The following TAF4B variants were observed in gnomAD, a reference collection of about 807,000 sequenced individuals.
TAF4B encodes TATA-box binding protein associated factor 4b, also known as transcription initiation factor TFIID subunit 4B.
TAF4B carries 38 observed loss-of-function variants against 86.4 expected under a neutral mutation model. That is an observed-to-expected ratio of 0.44 (90% CI 0.34 to 0.58). TAF4B has a LOEUF of 0.58. TAF4B is among the 20% of genes least tolerant of loss of function. TAF4B has a pLI of 0.02. For synonymous variants in TAF4B, 388 were observed against 391.2 expected, an observed-to-expected ratio of 0.99 and a Z score of 0.10; for missense variants, 988 against 1,027.6, an observed-to-expected ratio of 0.96 and a Z score of 0.53.
chr18:26,328,574 C>A (rs1360018767), intron 12 of TAF4B, among the ~76,000 whole-genome samples: 1 of 152,094 alleles, frequency 6.6e-6, no homozygotes, highest in Non-Finnish European at 1.5e-5. Context: ...TCCCAGATCC[C>A]CCCAATTTTA....
intron 7 of TAF4B, among the ~76,000 whole-genome samples, chr18:26,289,262 A>G (rs1020242972): frequency 3.3e-5 from 5 of 152,240 alleles, no homozygotes; most frequent in African/African-American, 1.2e-4. Context: ...GAGGAGGAAA[A>G]CACTCAAGTT....
At chr18:26,282,424 A>T (rs756077239) in intron 6 of TAF4B, among the ~76,000 whole-genome samples, 16 of 152,244 alleles carry the variant, frequency 1.1e-4, no homozygotes, top group Non-Finnish European at 1.5e-4. Flanking sequence ...AATGCATATA[A>T]AACTTTATGG....
intron 1 of TAF4B, among the ~76,000 whole-genome samples, chr18:26,256,946 G>T (rs2056094253): frequency 6.6e-6 from 1 of 151,610 alleles, no homozygotes; most frequent in African/African-American, 2.4e-5. Context: ...CGAAAACCGT[G>T]ATTACTTTTG....
At chr18:26,359,879 G>A (rs1328837080) in intron 14 of TAF4B, among the ~76,000 whole-genome samples, 1 of 122,680 alleles carries the variant, frequency 8.2e-6, no homozygotes, top group Non-Finnish European at 1.8e-5. Context: ...ACCATGCCTG[G>A]CTAATTTTTT....
chr18:26,326,844 G>A (rs146797624), intron 11 of TAF4B, among the ~76,000 whole-genome samples, 171 bp from the exon 12 acceptor site: 3 of 152,224 alleles, frequency 2.0e-5, no homozygotes, highest in African/African-American at 7.2e-5. Context: ...CTTTTCTGGT[G>A]GAGTGGATGT....
At chr18:26,229,494 CTTT>C (rs34261854) in intron 1 of TAF4B, among the ~76,000 whole-genome samples, 7 of 129,360 alleles carry the variant, frequency 5.4e-5, no homozygotes, top group South Asian at 2.4e-4. Context: ...TTCTTTCTTT[CTTT>C]TTTTTTTTTT....
intron 1 of TAF4B, among the ~76,000 whole-genome samples, 185 bp from the exon 2 acceptor site, chr18:26,264,985 T>A (rs2056218261): frequency 1.3e-5 from 2 of 152,248 alleles, no homozygotes; most frequent in Admixed American, 6.5e-5. Context: ...TCATAGATTT[T>A]AAATTTTTAA....
chr18:26,263,780 C>A (rs2056202014), intron 1 of TAF4B, among the ~76,000 whole-genome samples: 1 of 151,396 alleles, frequency 6.6e-6, no homozygotes, highest in Admixed American at 6.6e-5. Flanking sequence ...TAGATGCGAT[C>A]ATAGCTCATT....
At chr18:26,357,888 G>A (rs2057300585) in intron 14 of TAF4B, 94 bp downstream of exon 14, 1 of 788,326 alleles carries the variant, frequency 1.3e-6, no homozygotes, top group Non-Finnish European at 1.9e-6. Context: ...TGTTATGCAC[G>A]CTGTTGCTGC....
At chr18:26,299,252 T>A (rs1171762104) in intron 9 of TAF4B, among the ~76,000 whole-genome samples, 2 of 152,164 alleles carry the variant, frequency 1.3e-5, no homozygotes, top group Non-Finnish European at 2.9e-5. Context: ...GAAAGTATAG[T>A]CTTCCTATTG....
intron 12 of TAF4B, among the ~76,000 whole-genome samples, chr18:26,331,689 C>T (rs1228714167): frequency 2.6e-5 from 4 of 152,124 alleles, no homozygotes; most frequent in Admixed American, 2.6e-4. Context: ...ATCCAAACCA[C>T]CTCCTATCTT....
intron 5 of TAF4B, among the ~76,000 whole-genome samples, chr18:26,276,459 T>A (rs927530723): frequency 6.6e-6 from 1 of 152,226 alleles, no homozygotes; most frequent in African/African-American, 2.4e-5. Flanking sequence ...GTAATTAGAA[T>A]TATATTTTTC....
intron 11 of TAF4B, among the ~76,000 whole-genome samples, chr18:26,325,587 G>A (rs1041204623): frequency 2.6e-5 from 4 of 152,124 alleles, no homozygotes; most frequent in Admixed American, 2.6e-4. Context: ...CTTAGCATGG[G>A]AATATGATTG....
chr18:26,261,741 T>A (rs2056170762), intron 1 of TAF4B, among the ~76,000 whole-genome samples: 1 of 152,216 alleles, frequency 6.6e-6, no homozygotes, highest in Non-Finnish European at 1.5e-5. Context: ...GGAGGACCCT[T>A]CTTAGTTGTC....
At chr18:26,228,266 C>G (rs1265017512) in intron 1 of TAF4B, among the ~76,000 whole-genome samples, 4 of 152,054 alleles carry the variant, frequency 2.6e-5, no homozygotes, top group African/African-American at 9.7e-5. Flanking sequence ...CTCTGAACTG[C>G]AAAGATGGTA....
intron 14 of TAF4B, among the ~76,000 whole-genome samples, chr18:26,364,342 T>C (rs2057354120): frequency 6.6e-6 from 1 of 152,070 alleles, no homozygotes; most frequent in African/African-American, 2.4e-5. Flanking sequence ...AATGTGTCCT[T>C]TCCTTTTGCT....
intron 13 of TAF4B, among the ~76,000 whole-genome samples, chr18:26,336,020 G>A (rs1481313107): frequency 6.6e-6 from 1 of 152,134 alleles, no homozygotes; most frequent in Non-Finnish European, 1.5e-5. Flanking sequence ...GGTTGAAGGT[G>A]CAGTGTGTGT....
intron 5 of TAF4B, 147 bp downstream of exon 5, chr18:26,275,200 A>T: frequency 1.1e-6 from 1 of 904,128 alleles, no homozygotes; most frequent in Non-Finnish European, 1.5e-6. Context: ...CTGTTGCCCA[A>T]GCTGGAGTGC....
chr18:26,382,256 A>G (rs532231005), intron 14 of TAF4B, among the ~76,000 whole-genome samples: 5 of 152,336 alleles, frequency 3.3e-5, no homozygotes, highest in Non-Finnish European at 7.4e-5. Context: ...GTGAGTTTTC[A>G]GAGGTCTTTG....
Sources: allele counts gnomAD v4.1 joint callset (sites outside exome capture counted in the v4.1 genomes callset), GRCh38; gene constraint gnomAD v4.1.1; transcripts MANE v1.5; gene names NCBI Gene and HGNC (gene_info 2026-07-23, HGNC 2026-07-21).